PPFIBP2: variants seen among roughly 807,000 people sequenced by gnomAD.
PPFIBP2 encodes PPFIB scaffold protein 2.
In PPFIBP2, 118 loss-of-function variants were observed where a neutral mutation model predicts 118.3. The observed-to-expected ratio is 1.00, with a 90% confidence interval of 0.86 to 1.16. The LOEUF is 1.16. PPFIBP2 is among the 50% of genes most tolerant of loss of function. The probability of loss-of-function intolerance (pLI) is 0.00; values close to 1 mark genes in which losing one functional copy is unlikely to be tolerated. For synonymous variants in PPFIBP2, 414 were observed against 397.4 expected (o/e 1.04, Z -0.50); for missense variants, 1,195 against 1,073.1 (o/e 1.11, Z -1.59).
intron 3 of PPFIBP2, among the ~76,000 whole-genome samples, chr11:7,589,825 T>C (rs1858914991): frequency 1.3e-5 from 2 of 152,184 alleles, no homozygotes; most frequent in African/African-American, 2.4e-5. Flanking sequence ...CCACTATCCA[T>C]CCAAGCCTTC....
the PPFIBP2 span, among the ~76,000 whole-genome samples, chr11:7,664,650 T>G: frequency 1.3e-5 from 2 of 152,004 alleles, no homozygotes; most frequent in African/African-American, 4.8e-5. Flanking sequence ...AAAAATCTGA[T>G]AAAGTCGGCA....
the PPFIBP2 span, among the ~76,000 whole-genome samples, chr11:7,663,633 C>T: frequency 9.2e-5 from 14 of 152,358 alleles, no homozygotes; most frequent in Non-Finnish European, 1.8e-4. Flanking sequence ...GAGGTGGAGC[C>T]TACAGAGGCA....
intron 4 of PPFIBP2, among the ~76,000 whole-genome samples, 191 bp downstream of exon 4, chr11:7,593,415 CT>C (rs966396266): frequency 2.6e-5 from 4 of 152,098 alleles, no homozygotes; most frequent in African/African-American, 9.7e-5. Flanking sequence ...CTAGACTTGG[CT>C]TAGGGGGGCT....
At chr11:7,626,787 C>T (rs1033088037) in intron 8 of PPFIBP2, among the ~76,000 whole-genome samples, 1 of 152,250 alleles carries the variant, frequency 6.6e-6, no homozygotes, top group Non-Finnish European at 1.5e-5. Context: ...TGCCGAAGAT[C>T]ATATAGTCCT....
At chr11:7,649,504 G>T (rs1853650640) in intron 20 of PPFIBP2, 28 bp from the exon 21 acceptor site, 1 of 1,613,678 alleles carries the variant, frequency 6.2e-7, no homozygotes, top group Non-Finnish European at 8.5e-7. Context: ...GGAAACTCTG[G>T]TTTATAAACC....
intron 3 of PPFIBP2, among the ~76,000 whole-genome samples, chr11:7,570,262 C>T (rs1244763988): frequency 6.6e-6 from 1 of 152,182 alleles, no homozygotes; most frequent in Non-Finnish European, 1.5e-5. Flanking sequence ...AGCCAGTTAG[C>T]TGGGAGGAGT....
At chr11:7,660,502 T>C (rs1260144605), downstream of PPFIBP2, among the ~76,000 whole-genome samples, 1 of 149,140 alleles carries the variant, frequency 6.7e-6, no homozygotes, top group African/African-American at 2.5e-5. Context: ...GAAGCCCACT[T>C]GATCATGGTG....
intron 6 of PPFIBP2, among the ~76,000 whole-genome samples, chr11:7,620,350 C>T (rs1301689614): frequency 1.3e-5 from 2 of 152,186 alleles, no homozygotes; most frequent in African/African-American, 2.4e-5. Context: ...TATCTTTACT[C>T]CTCCCTGGAT....
At chr11:7,599,891 G>A (rs1378445037) in intron 5 of PPFIBP2, among the ~76,000 whole-genome samples, 4 of 146,914 alleles carry the variant, frequency 2.7e-5, no homozygotes, top group Non-Finnish European at 5.9e-5. Context: ...TGATCCACCC[G>A]CCTTGGCCTC....
intron 1 of PPFIBP2, among the ~76,000 whole-genome samples, chr11:7,515,010 T>A (rs192767459): frequency 4.7e-4 from 72 of 152,370 alleles, no homozygotes; most frequent in Admixed American, 4.4e-3. Flanking sequence ...GTTTTCAAAT[T>A]TGTAGTGTAT....
At chr11:7,665,694 A>C in the PPFIBP2 span, 1 of 1,143,090 alleles carries the variant, frequency 8.7e-7, no homozygotes, top group Non-Finnish European at 1.2e-6. Context: ...TCCCTGCAAA[A>C]AGCCTCAGAA....
intron 1 of PPFIBP2, among the ~76,000 whole-genome samples, chr11:7,520,131 C>T (rs1402851527): frequency 6.6e-6 from 1 of 152,158 alleles, no homozygotes; most frequent in Admixed American, 6.5e-5. Context: ...GGCGGTATGG[C>T]GCAACATGCT....
rs764105631 is a variant in PPFIBP2, at chr11:7,641,068, A to T, written c.1376-411A>T. ...GAGTGTCAGTGCCCCCGTATTAGGT[A>T]CTGTACCCATTCCAGGTGAGGTGGA... On this transcript the variant is annotated intron_variant, in intron 15 of 23. Transcript: ENST00000299492. 5.5e-6 allele frequency: 7 copies of T among 1,273,848 alleles called. No homozygotes were observed. The South Asian group carries it at 8.7e-5, about 16-fold the overall frequency. 78.9% of individuals were successfully genotyped at this position (1,273,848 alleles called of 1,614,324 possible). A position where few individuals can be genotyped will look rare whatever the true frequency, so the allele number is the denominator to read the frequency against.
chr11:7,635,773 T>C (rs910171733), intron 14 of PPFIBP2, among the ~76,000 whole-genome samples, 180 bp downstream of exon 14: 6 of 152,354 alleles, frequency 3.9e-5, no homozygotes, highest in Admixed American at 2.6e-4. Flanking sequence ...CTATTTAATA[T>C]GCTTTTGCTA....
rs1849274807 is a variant in PPFIBP2, at chr11:7,620,918, TCTCCCTCATC to T, written c.619-15_619-6del. The stretch of plus-strand genomic sequence containing the variant: ...CTTTTAACCATCAGAACTTTGTCTT[TCTCCCTCATC>T]CCCTAGGAGTTACTGCAAGAGCTCA... On this transcript the variant is annotated splice_region_variant and splice_polypyrimidine_tract_variant and intron_variant, in intron 6 of 23. Transcript: ENST00000299492. The T allele has an allele frequency of 6.4e-7, 1 of 1,568,900 alleles. No homozygotes were observed. The highest frequency in any genetic ancestry group is 1.4e-5 in the African/African-American group (1 of 74,004).
chr11:7,528,488 C>G (rs961980231), intron 1 of PPFIBP2, among the ~76,000 whole-genome samples: 5 of 152,116 alleles, frequency 3.3e-5, no homozygotes, highest in African/African-American at 1.2e-4. Context: ...ATACAAAAAG[C>G]TTCTATCATT....
Position 7,653,178 on chromosome 11 carries a change from C to T in PPFIBP2, c.2591C>T (p.Pro864Leu). The stretch of plus-strand genomic sequence containing the variant: ...CGGGGCCTCAGCCCCCTTGATGCCC[C>T]TGAACTGGATGGGCTGGACCAGGTG... The part of the protein sequence containing the change: ...GYRGLSPLDA[P>L]ELDGLDQVGQ... The change falls in exon 24 of 24, where the codon CCT becomes CTT. Residue 864 changes from proline to leucine, a missense_variant. Pro to Leu is a moderately conservative substitution (Grantham distance 98, BLOSUM62 -3). Transcript: ENST00000299492. 6.2e-7 allele frequency: 1 copy of T among 1,614,224 alleles called. No individual in the cohort carries two copies. The highest frequency in any genetic ancestry group is 8.5e-7 in the Non-Finnish European group (1 of 1,180,040).
At chr11:7,531,248 T>C (rs970768472) in intron 1 of PPFIBP2, among the ~76,000 whole-genome samples, 2 of 152,172 alleles carry the variant, frequency 1.3e-5, no homozygotes, top group African/African-American at 4.8e-5. Flanking sequence ...GGCAAATATC[T>C]TGTGACTGGC....
At chr11:7,654,980 G>A (rs932460527), downstream of PPFIBP2, among the ~76,000 whole-genome samples, 1 of 152,190 alleles carries the variant, frequency 6.6e-6, no homozygotes, top group African/African-American at 2.4e-5. Flanking sequence ...GGGGCAGGAG[G>A]GAGGCTCTTG....
Sources: gnomAD v4.1 joint callset for allele counts (sites outside exome capture counted in the v4.1 genomes callset) on GRCh38, gnomAD v4.1.1 for gene constraint, MANE v1.5 for transcripts, NCBI Gene and HGNC (gene_info 2026-07-23, HGNC 2026-07-21) for gene names.